FBLN5: variants seen among roughly 807,000 people sequenced by gnomAD.
FBLN5 encodes the protein fibulin-5.
Under a neutral mutation model 61.6 loss-of-function variants are expected in FBLN5, and 24 were observed. The ratio of observed to expected loss-of-function variants is 0.39; its 90% CI spans 0.28 to 0.55. FBLN5 has a LOEUF of 0.55. Ranked by LOEUF, FBLN5 falls within the 20% of genes least tolerant of loss-of-function variation. FBLN5 has a pLI of 0.65. For synonymous variants in FBLN5, 213 were observed against 219.8 expected (o/e 0.97, Z 0.27); for missense variants, 470 against 594.1 (o/e 0.79, Z 2.17).
intron 7 of FBLN5, among the ~76,000 whole-genome samples, chr14:91,883,657 C>CAAAAAA (rs58378742): frequency 3.9e-5 from 5 of 129,310 alleles, no homozygotes; most frequent in Non-Finnish European, 7.9e-5. Flanking sequence ...AAAAAAAAAA[C>CAAAAAA]AAAAAAAACA....
At chr14:91,870,856 G>T (rs1888890591) in intron 10 of FBLN5, among the ~76,000 whole-genome samples, 1 of 152,160 alleles carries the variant, frequency 6.6e-6, no homozygotes, top group African/African-American at 2.4e-5. Flanking sequence ...AACATATATT[G>T]AATGATGAAC....
chr14:91,871,430 G>A (rs2430340), intron 10 of FBLN5, among the ~76,000 whole-genome samples: 22,447 of 151,964 alleles, frequency 0.15, 1,816 homozygotes, highest in Non-Finnish European at 0.18. Flanking sequence ...TAATAATTTC[G>A]CGTGAACTCT....
chr14:91,914,664 A>G (rs2140012923), intron 4 of FBLN5, among the ~76,000 whole-genome samples: 1 of 152,018 alleles, frequency 6.6e-6, no homozygotes, highest in East Asian at 1.9e-4. Flanking sequence ...TTAAACAGAA[A>G]CAAATCCAAA....
At chr14:91,881,596 G>T (rs1889473286) in intron 8 of FBLN5, among the ~76,000 whole-genome samples, 178 bp from the exon 9 acceptor site, 1 of 150,688 alleles carries the variant, frequency 6.6e-6, no homozygotes, top group Non-Finnish European at 1.5e-5. Context: ...TGTGCTGTAA[G>T]TAGAAAATAC....
At chr14:91,905,931 A>T (rs1307894557) in intron 4 of FBLN5, among the ~76,000 whole-genome samples, 1 of 151,836 alleles carries the variant, frequency 6.6e-6, no homozygotes, top group East Asian at 1.9e-4. Context: ...TTTGTCACCC[A>T]GACTGGAGTG....
At chr14:91,921,887 C>T (rs1313205266) in intron 4 of FBLN5, among the ~76,000 whole-genome samples, 1 of 152,202 alleles carries the variant, frequency 6.6e-6, no homozygotes, top group East Asian at 1.9e-4. Context: ...TATGACCAAC[C>T]AGGGCACGTC....
intron 6 of FBLN5, among the ~76,000 whole-genome samples, chr14:91,890,674 C>T (rs961301202): frequency 5.9e-5 from 9 of 152,188 alleles, no homozygotes; most frequent in Non-Finnish European, 1.2e-4. Context: ...TGTGGGGGCA[C>T]GCTGAGTAGC....
At chr14:91,917,067 G>T (rs1891224105) in intron 4 of FBLN5, among the ~76,000 whole-genome samples, 1 of 152,198 alleles carries the variant, frequency 6.6e-6, no homozygotes, top group African/African-American at 2.4e-5. Context: ...CAGAGCTCGA[G>T]ATTAAGGCAA....
At chr14:91,874,989 G>A (rs750317934) in intron 10 of FBLN5, among the ~76,000 whole-genome samples, 18 of 151,898 alleles carry the variant, frequency 1.2e-4, no homozygotes, top group Non-Finnish European at 2.9e-5. Context: ...ACCACACCTG[G>A]CTAATTTTTT....
At chr14:91,907,973 A>G (rs1225971139) in intron 4 of FBLN5, among the ~76,000 whole-genome samples, 1 of 152,084 alleles carries the variant, frequency 6.6e-6, no homozygotes, top group Non-Finnish European at 1.5e-5. Context: ...AAAAACCAAA[A>G]AACCCAAATG....
At chr14:91,898,796 CTTTTTTTTTTTT>C (rs35840279) in intron 4 of FBLN5, among the ~76,000 whole-genome samples, 2 of 84,242 alleles carry the variant, frequency 2.4e-5, no homozygotes, top group Non-Finnish European at 4.4e-5. Context: ...TTCATTCATT[CTTTTTTTTTTTT>C]TTTTTTTTTT....
At chr14:91,935,255 G>A (rs2140044869) in intron 4 of FBLN5, among the ~76,000 whole-genome samples, 1 of 152,362 alleles carries the variant, frequency 6.6e-6, no homozygotes, top group Non-Finnish European at 1.5e-5. Context: ...ACCCTGGAAA[G>A]AGGTTTAGGG....
At chr14:91,879,881 C>T (rs1363384477) in intron 9 of FBLN5, among the ~76,000 whole-genome samples, 5 of 152,184 alleles carry the variant, frequency 3.3e-5, no homozygotes, top group Non-Finnish European at 4.4e-5. Context: ...GTCTCCCATG[C>T]GGGGTTTGGT....
intron 4 of FBLN5, among the ~76,000 whole-genome samples, chr14:91,934,095 AC>A (rs2055973179): frequency 6.6e-6 from 1 of 152,100 alleles, no homozygotes; most frequent in African/African-American, 2.4e-5. Flanking sequence ...AGTCCCAGCT[AC>A]TTGGGAGGCT....
intron 4 of FBLN5, among the ~76,000 whole-genome samples, chr14:91,905,099 T>TCAG: frequency 6.6e-6 from 1 of 152,132 alleles, no homozygotes; most frequent in Non-Finnish European, 1.5e-5. Context: ...AATCAGTCCA[T>TCAG]CAGCAGCAGC....
intron 4 of FBLN5, among the ~76,000 whole-genome samples, chr14:91,914,544 C>T (rs1204208254): frequency 6.7e-6 from 1 of 149,088 alleles, no homozygotes; most frequent in Non-Finnish European, 1.5e-5. Context: ...CCTGTGGTCC[C>T]AGATACTTGA....
Position 91,881,259 on chromosome 14 carries a change from G to T in FBLN5, c.989+33C>A, listed in dbSNP as rs377147678. On this transcript the variant is annotated intron_variant, in intron 9 of 10. Coordinates refer to ENST00000342058, the MANE Select transcript of FBLN5 (RefSeq NM_006329.4). ...ACCTCCTGAGCCAGGCCCTCATCAG[G>T]TTTCTATTCCCCAGGGGGACGCCGT... The T allele has an allele frequency of 1.9e-6, 3 of 1,613,184 alleles. 1 individual carries two copies. The highest frequency in any genetic ancestry group is 2.2e-5 in the East Asian group (1 of 44,836).
chr14:91,918,596 T>C (rs575030491), intron 4 of FBLN5, among the ~76,000 whole-genome samples: 1 of 152,314 alleles, frequency 6.6e-6, no homozygotes, highest in Admixed American at 6.5e-5. Context: ...GATGGAAGGA[T>C]GGAAAGAGCA....
chr14:91,920,054 G>T (rs528720323), intron 4 of FBLN5, among the ~76,000 whole-genome samples: 2 of 152,162 alleles, frequency 1.3e-5, no homozygotes, highest in African/African-American at 2.4e-5. Flanking sequence ...GGCTCTTGGG[G>T]CTTGACTTGG....
Sources: gnomAD v4.1 joint callset for allele counts (sites outside exome capture counted in the v4.1 genomes callset) on GRCh38, gnomAD v4.1.1 for gene constraint, MANE v1.5 for transcripts, NCBI Gene and HGNC (gene_info 2026-07-23, HGNC 2026-07-21) for gene names.